Variants in PRKG1 observed in about 807,000 individuals in gnomAD.
The protein encoded by PRKG1 is protein kinase cGMP-dependent 1, also known as cGMP-dependent protein kinase 1.
Under a neutral mutation model 88.1 loss-of-function variants are expected in PRKG1, and 35 were observed. That is an observed-to-expected ratio of 0.40 (90% CI 0.30 to 0.53). The LOEUF is 0.53. PRKG1 is among the 20% of genes least tolerant of loss of function. PRKG1 has a pLI of 0.59. For synonymous variants in PRKG1, 303 were observed against 292.5 expected (o/e 1.04, Z -0.37); for missense variants, 540 against 839.8 (o/e 0.64, Z 4.41).
intron 3 of PRKG1, among the ~76,000 whole-genome samples, chr10:51,567,975 C>T (rs1837651082): frequency 6.6e-6 from 1 of 151,998 alleles, no homozygotes; most frequent in Admixed American, 6.6e-5. Context: ...TGCTTTCTTG[C>T]CTTTCAGCTT....
chr10:52,108,365 A>G (rs1847474665), intron 7 of PRKG1, among the ~76,000 whole-genome samples: 1 of 152,202 alleles, frequency 6.6e-6, no homozygotes, highest in African/African-American at 2.4e-5. Flanking sequence ...TCATGTCTAC[A>G]TGTTTTTTTC....
intron 2 of PRKG1, among the ~76,000 whole-genome samples, chr10:51,258,436 A>G (rs1221151216): frequency 6.6e-6 from 1 of 152,218 alleles, no homozygotes; most frequent in Non-Finnish European, 1.5e-5. Context: ...AAGTGGACAC[A>G]TGTCAGTACC....
chr10:51,302,084 C>A (rs530885137), intron 2 of PRKG1, among the ~76,000 whole-genome samples: 2 of 152,272 alleles, frequency 1.3e-5, no homozygotes, highest in South Asian at 2.1e-4. Flanking sequence ...GTCCTTGTTC[C>A]ATTTAGTCTG....
rs1388922224 is a variant in PRKG1 at position 52,211,544 on chromosome 10, G to A, written c.1077-40026G>A. ...GAAATTGCTACTATCAGATGGTACA[G>A]TAATGATATTTTCCTGGGCCAAACC... On this transcript the variant is annotated intron_variant, in intron 9 of 17. Transcript: ENST00000373980. Among the ~76,000 whole-genome samples the A allele has an allele frequency of 1.1e-4, 16 of 152,102 alleles. No individual in the cohort carries two copies. The East Asian group carries it at 1.9e-3, about 18-fold the overall frequency.
In PRKG1 at chr10:51,234,948, A is replaced by G. The variant is rs1838944288; in HGVS notation, c.478+81618A>G. Among the ~76,000 whole-genome samples, 16 of 152,318 alleles carry G rather than the reference A, an allele frequency of 1.1e-4. No individual in the cohort carries two copies. The South Asian group carries it at 3.1e-3, about 30-fold the overall frequency. ...AGACACATTTTACCTAAGAGTATAT[A>G]CTATCTGTAAGTAGCTTGAAATAAA... On this transcript the variant is annotated intron_variant, in intron 2 of 17. Coordinates refer to ENST00000373980, the MANE Select transcript of PRKG1 (RefSeq NM_006258.4).
intron 3 of PRKG1, among the ~76,000 whole-genome samples, chr10:51,773,765 A>G (rs904354009): frequency 3.9e-5 from 6 of 152,158 alleles, no homozygotes; most frequent in Admixed American, 3.9e-4. Flanking sequence ...TCACATTGAA[A>G]TATTATTACA....
At chr10:52,133,223 T>C (rs1338155397) in intron 7 of PRKG1, among the ~76,000 whole-genome samples, 1 of 152,108 alleles carries the variant, frequency 6.6e-6, no homozygotes, top group African/African-American at 2.4e-5. Flanking sequence ...TAGATACGAA[T>C]GCAGTAACAA....
chr10:51,352,319 C>G (rs1377671066), intron 2 of PRKG1, among the ~76,000 whole-genome samples: 1 of 151,440 alleles, frequency 6.6e-6, no homozygotes, highest in Non-Finnish European at 1.5e-5. Flanking sequence ...ATAGCATTGC[C>G]TCTATAAATT....
intron 1 of PRKG1, among the ~76,000 whole-genome samples, chr10:51,022,951 C>T (rs932803029): frequency 3.9e-5 from 6 of 152,108 alleles, no homozygotes; most frequent in African/African-American, 9.7e-5. Flanking sequence ...AAGCCAAGAT[C>T]GCACTACTGC....
intron 2 of PRKG1, among the ~76,000 whole-genome samples, chr10:51,321,373 A>G (rs868499840): frequency 6.6e-6 from 1 of 152,216 alleles, no homozygotes; most frequent in African/African-American, 2.4e-5. Flanking sequence ...GAAGCAAACA[A>G]TAACTATTAA....
intron 2 of PRKG1, among the ~76,000 whole-genome samples, chr10:51,281,131 C>CA (rs535374257): frequency 2.0e-3 from 311 of 152,292 alleles, no homozygotes; most frequent in Admixed American, 3.7e-3. Context: ...ACGTCCACTC[C>CA]GACCCTGTTT....
At chr10:52,192,983 G>C (rs542662503) in intron 9 of PRKG1, among the ~76,000 whole-genome samples, 1 of 151,998 alleles carries the variant, frequency 6.6e-6, no homozygotes, top group South Asian at 2.1e-4. Flanking sequence ...TAATTTCATT[G>C]CTGGGGTCTC....
chr10:51,033,759 C>T (rs1296902285), intron 1 of PRKG1, among the ~76,000 whole-genome samples: 1 of 152,130 alleles, frequency 6.6e-6, no homozygotes, highest in African/African-American at 2.4e-5. Context: ...GAAGAAAGGC[C>T]ATTTTTAATC....
intron 3 of PRKG1, chr10:51,695,661 A>G (rs1224414739): frequency 6.6e-6 from 1 of 152,240 alleles, no homozygotes; most frequent in African/African-American, 2.4e-5. Context: ...ACTATCACAT[A>G]TGTAAACGCG....
At chr10:51,905,593 T>C (rs577881560) in intron 4 of PRKG1, among the ~76,000 whole-genome samples, 1 of 152,302 alleles carries the variant, frequency 6.6e-6, no homozygotes, top group Admixed American at 6.5e-5. Context: ...TATATGTTGA[T>C]AACCTTTTGT....
chr10:51,696,200 A>AT (rs2132402184), intron 3 of PRKG1: 1 of 152,316 alleles, frequency 6.6e-6, no homozygotes, highest in African/African-American at 2.4e-5. Context: ...TGGTAAGATG[A>AT]TTAATGATAG....
intron 5 of PRKG1, among the ~76,000 whole-genome samples, chr10:51,986,128 G>T (rs757212262): frequency 5.3e-5 from 8 of 152,040 alleles, no homozygotes; most frequent in Non-Finnish European, 1.2e-4. Context: ...ACCCAGGAAA[G>T]GGTCAAAATT....
intron 8 of PRKG1, among the ~76,000 whole-genome samples, chr10:52,140,188 G>C (rs1025800202): frequency 1.3e-5 from 2 of 152,156 alleles, no homozygotes; most frequent in African/African-American, 4.8e-5. Context: ...CTTGACCCCT[G>C]ACTTAAACAA....
chr10:52,227,968 T>C (rs1840430940), intron 9 of PRKG1, among the ~76,000 whole-genome samples: 1 of 152,184 alleles, frequency 6.6e-6, no homozygotes, highest in Non-Finnish European at 1.5e-5. Context: ...CCAGAGGAAG[T>C]TAGCGATGCC....
Sources: allele counts gnomAD v4.1 joint callset (sites outside exome capture counted in the v4.1 genomes callset), GRCh38; gene constraint gnomAD v4.1.1; transcripts MANE v1.5; gene names NCBI Gene and HGNC (gene_info 2026-07-23, HGNC 2026-07-21).